Variants in DAGLB observed in about 807,000 individuals in gnomAD.
DAGLB encodes diacylglycerol lipase beta.
Under a neutral mutation model 72.1 loss-of-function variants are expected in DAGLB, and 66 were observed. That is an observed-to-expected ratio of 0.92 (90% CI 0.75 to 1.12). The LOEUF is 1.12. Ranked by LOEUF, DAGLB falls within the 50% of genes most tolerant of loss-of-function variation. DAGLB has a pLI of 0.00. For synonymous variants in DAGLB, 414 were observed against 359.5 expected, an observed-to-expected ratio of 1.15 and a Z score of -1.71; for missense variants, 1,065 against 884.9, an observed-to-expected ratio of 1.20 and a Z score of -2.58.
At chr7:6,411,558 C>T (rs899750923) in intron 13 of DAGLB, among the ~76,000 whole-genome samples, 5 of 152,128 alleles carry the variant, frequency 3.3e-5, no homozygotes, top group African/African-American at 9.7e-5. Flanking sequence ...ACTTGGGAGG[C>T]TGCAATGTGC....
chr7:6,410,424 TGTCACCC>T, intron 13 of DAGLB, 44 bp from the exon 14 acceptor site: 1 of 1,555,264 alleles, frequency 6.4e-7, no homozygotes, highest in Non-Finnish European at 8.7e-7. Context: ...ACTCACCCTC[TGTCACCC>T]GAGACCTCCC....
At chr7:6,447,189 G>A (rs573661589) in intron 1 of DAGLB, among the ~76,000 whole-genome samples, 2 of 152,088 alleles carry the variant, frequency 1.3e-5, no homozygotes, top group South Asian at 4.1e-4. Flanking sequence ...AGATCCTCTG[G>A]GAACAGACTT....
At position 6,413,048 on chromosome 7, in the gene DAGLB, C is replaced by CAGAG; in HGVS notation, c.1428-18_1428-15dup. On this transcript the variant is annotated splice_polypyrimidine_tract_variant and intron_variant, in intron 11 of 14. Transcript: ENST00000297056. The stretch of plus-strand genomic sequence containing the variant: ...TGCAGAGCTTTGCTGAAATTCCAAA[C>CAGAG]AGAGAGAGGATGTTAGCTTTACGAT... 6.2e-7 allele frequency: 1 copy of CAGAG among 1,611,266 alleles called. No individual in the cohort carries two copies. Among genetic ancestry groups the CAGAG allele is most frequent in the Non-Finnish European group, 8.5e-7 (1 of 1,177,884 alleles).
chr7:6,410,101 GCCCACCACA>G lies in DAGLB; in HGVS notation c.1820+20_1820+28del, dbSNP rs754965882. On this transcript the variant is annotated intron_variant, in intron 14 of 14. Coordinates refer to ENST00000297056, the MANE Select transcript of DAGLB (RefSeq NM_139179.4). ...GGCTGACCCCGCGCTGCTCCTGCCT[GCCCACCACA>G]CCCACCACGCCGCACTCACCGCCCC... The G allele has an allele frequency of 2.5e-6, 4 of 1,579,674 alleles. No homozygotes were observed. Among genetic ancestry groups the G allele is most frequent in the Non-Finnish European group, 3.4e-6 (4 of 1,160,792 alleles).
rs758995609 is a variant in DAGLB at position 6,412,966 on chromosome 7, C to G, written c.1496G>C (p.Arg499Thr). ...TGGGCACAGCACCAGGTGGGCTTAC[C>G]TGGGAATCACATCCTTCCCCAGGAC... ...SLVLGKDVIP[R>T]LSVTNLEDLK... The change falls in exon 12 of 15, where the codon AGG (arginine) becomes ACG (threonine). Residue 499 changes from arginine (R) to threonine (T), a missense_variant and splice_region_variant. Coordinates refer to ENST00000297056, the MANE Select transcript of DAGLB (RefSeq NM_139179.4). 15 of 1,613,926 alleles carry G rather than the reference C, an allele frequency of 9.3e-6. No individual in the cohort carries two copies. Among genetic ancestry groups the G allele is most frequent in the South Asian group, 2.2e-5 (2 of 91,050 alleles).
intron 2 of DAGLB, among the ~76,000 whole-genome samples, chr7:6,440,697 G>C (rs1039722356): frequency 6.6e-6 from 1 of 152,050 alleles, no homozygotes; most frequent in African/African-American, 2.4e-5. Flanking sequence ...TGGCCAACAT[G>C]GTTTCTACAA....
At chr7:6,435,609 A>C (rs1245859941) in intron 3 of DAGLB, 2 of 155,454 alleles carry the variant, frequency 1.3e-5, no homozygotes, top group Non-Finnish European at 2.9e-5. Flanking sequence ...GCCCGGATGC[A>C]GCGGGCACTT....
intron 6 of DAGLB, among the ~76,000 whole-genome samples, chr7:6,429,810 C>T (rs889669523): frequency 5.3e-5 from 8 of 151,450 alleles, no homozygotes; most frequent in African/African-American, 1.5e-4. Context: ...TTTGGGAGGC[C>T]GAGGCAGACG....
chr7:6,412,783 T>G (rs765951896), intron 13 of DAGLB, 28 bp downstream of exon 13: 81 of 1,564,630 alleles, frequency 5.2e-5, no homozygotes, highest in Non-Finnish European at 6.9e-5. Flanking sequence ...CGTGTCCTGC[T>G]GACCCTCTCA....
At position 6,447,767 on chromosome 7, in the gene DAGLB, G is replaced by A. The variant is rs748995251; in HGVS notation, c.76C>T (p.Leu26=). ...CCTTACCACAGCACTCGCACGACCA[G>A]CTCGAAGAACCCTGGGAAGACCAAG... is the stretch of plus-strand genomic sequence containing the variant. ...DDLVFPGFFE[L]VVRVLWWIGI... is the part of the protein sequence containing the mutation. The change falls in exon 1 of 15, where the codon CTG becomes TTG. Residue 26 remains leucine, a synonymous_variant. Transcript: ENST00000297056. 2.4e-5 allele frequency: 39 copies of A among 1,613,518 alleles called. No individual in the cohort carries two copies. Among genetic ancestry groups the A allele is most frequent in the Non-Finnish European group, 3.3e-5 (39 of 1,179,844 alleles).
At chr7:6,444,241 C>G (rs1358162301) in intron 2 of DAGLB, among the ~76,000 whole-genome samples, 1 of 152,176 alleles carries the variant, frequency 6.6e-6, no homozygotes, top group Non-Finnish European at 1.5e-5. Flanking sequence ...CCACTGCCCT[C>G]TAGCCTGGGC....
At chr7:6,410,088 G>A (rs368654531) in intron 14 of DAGLB, 42 bp downstream of exon 14, 106 of 1,584,438 alleles carry the variant, frequency 6.7e-5, no homozygotes, top group African/African-American at 2.3e-4. Context: ...CTGACCCCGC[G>A]CTGCTCCTGC....
chr7:6,418,376 A>G lies in DAGLB; in HGVS notation c.1219-1455T>C, dbSNP rs573364582. On this transcript the variant is annotated intron_variant, in intron 9 of 14. Transcript: ENST00000297056. Reference sequence around the variant, plus strand: ...ACAGTGAGACTCTTTCTGAAAAATAATCATCATAAAAATAATAAATAAAAG... The same window carrying G: ...ACAGTGAGACTCTTTCTGAAAAATAGTCATCATAAAAATAATAAATAAAAG... Among the ~76,000 whole-genome samples, 13 of 152,078 alleles carry G rather than the reference A, an allele frequency of 8.5e-5. No homozygotes were observed. The South Asian group carries it at 1.0e-3, about 12-fold the overall frequency.
At chr7:6,420,491 C>T (rs556638051) in intron 9 of DAGLB, among the ~76,000 whole-genome samples, 14 of 151,734 alleles carry the variant, frequency 9.2e-5, no homozygotes, top group African/African-American at 2.7e-4. Context: ...AAATCCTGTA[C>T]GATTCCACTT....
intron 6 of DAGLB, among the ~76,000 whole-genome samples, chr7:6,428,174 G>A (rs1490082408): frequency 6.6e-6 from 1 of 151,812 alleles, no homozygotes. Flanking sequence ...GCGAAAACCT[G>A]TCTCTATTAA....
chr7:6,416,567 G>C, intron 11 of DAGLB, 60 bp downstream of exon 11: 2 of 1,522,744 alleles, frequency 1.3e-6, no homozygotes, highest in Non-Finnish European at 1.8e-6. Context: ...AAAAAAAGAT[G>C]AGTCTTGACC....
rs1262917665 is a variant in DAGLB, at chr7:6,413,019, T to G, written c.1443A>C (p.Glu481Asp). Reference sequence around the variant, plus strand: ...GTGACACGATGAAGCTCTGAGAATATTCCTGCAGAGCTTTGCTGAAATTCC... The same window carrying G: ...GTGACACGATGAAGCTCTGAGAATAGTCCTGCAGAGCTTTGCTGAAATTCC... Reference protein sequence around the residue: ...PRGLWSKALQEYSQSFIVSLV... With the variant: ...PRGLWSKALQDYSQSFIVSLV... Residue 481 changes from glutamate (E) to aspartate (D), a missense_variant, in exon 12 of 15, where the codon GAA becomes GAC. By Grantham distance (45) the Glu-to-Asp change is conservative. Coordinates refer to ENST00000297056, the MANE Select transcript of DAGLB (RefSeq NM_139179.4). 1.9e-6 allele frequency: 3 copies of G among 1,613,484 alleles called. No individual in the cohort carries two copies. The highest frequency in any genetic ancestry group is 2.5e-6 in the Non-Finnish European group (3 of 1,179,678).
At chr7:6,423,259 C>T (rs1784191782) in intron 8 of DAGLB, among the ~76,000 whole-genome samples, 2 of 152,094 alleles carry the variant, frequency 1.3e-5, no homozygotes, top group Admixed American at 1.3e-4. Flanking sequence ...TAGAAACAAA[C>T]AAACAATCAA....
chr7:6,447,936 G>C lies in DAGLB; in HGVS notation c.-94C>G, dbSNP rs145079254. 3.8e-4 allele frequency: 561 copies of C among 1,464,630 alleles called. No homozygotes were observed. Among genetic ancestry groups the C allele is most frequent in the Middle Eastern group, 1.8e-3 (10 of 5,604 alleles). The allele number at this position is 1,464,630 out of a possible 1,614,324, so 90.7% of individuals were successfully genotyped here. ...CTCCGGACGCCGCCACCAAATTATC[G>C]GCGCTCAAGCGCAAACGCAGCGAGG... On this transcript the variant is annotated 5_prime_UTR_variant, in exon 1 of 15. Transcript: ENST00000297056.
Sources: gnomAD v4.1 joint callset for allele counts (sites outside exome capture counted in the v4.1 genomes callset) on GRCh38, gnomAD v4.1.1 for gene constraint, MANE v1.5 for transcripts, NCBI Gene and HGNC (gene_info 2026-07-23, HGNC 2026-07-21) for gene names.